The following MAEA variants were observed in gnomAD, a reference collection of about 807,000 sequenced individuals.
The protein encoded by MAEA is macrophage erythroblast attacher, E3 ubiquitin ligase, also known as E3 ubiquitin-protein transferase MAEA.
Under a neutral mutation model 46.2 loss-of-function variants are expected in MAEA, and 22 were observed. The observed-to-expected ratio is 0.48, with a 90% CI of 0.34 to 0.68. The LOEUF (loss-of-function observed/expected upper bound fraction) is 0.68. Among genes scored for constraint, MAEA ranks in the 30% least tolerant of loss-of-function variants. MAEA has a pLI of 0.01. For synonymous variants in MAEA, 246 were observed against 222.6 expected (o/e 1.11, Z -0.94); for missense variants, 393 against 558.1 (o/e 0.70, Z 2.98).
intron 4 of MAEA, among the ~76,000 whole-genome samples, chr4:1,326,444 G>A (rs1738825506): frequency 6.6e-6 from 1 of 152,186 alleles, no homozygotes; most frequent in African/African-American, 2.4e-5. Flanking sequence ...CGTAGAATCC[G>A]CGTCTCATCT....
At chr4:1,303,413 AATGTC>A (rs1455758436) in intron 1 of MAEA, among the ~76,000 whole-genome samples, 3 of 151,654 alleles carry the variant, frequency 2.0e-5, no homozygotes, top group African/African-American at 4.8e-5. Context: ...AAAAAAAAAG[AATGTC>A]ATGTCCTTCT....
chr4:1,297,898 C>T (rs977703590), intron 1 of MAEA: 4 of 434,772 alleles, frequency 9.2e-6, no homozygotes, highest in African/African-American at 2.0e-5. Context: ...TCTCCCTTGC[C>T]TCCACCCCTC....
At chr4:1,297,283 G>A (rs1577129069) in intron 1 of MAEA, among the ~76,000 whole-genome samples, 1 of 152,312 alleles carries the variant, frequency 6.6e-6, no homozygotes, top group East Asian at 1.9e-4. Flanking sequence ...TGGCTGCTGG[G>A]GCTGCGGCCT....
At chr4:1,309,022 C>G (rs996691745) in intron 1 of MAEA, among the ~76,000 whole-genome samples, 1 of 152,182 alleles carries the variant, frequency 6.6e-6, no homozygotes, top group Non-Finnish European at 1.5e-5. Flanking sequence ...TTTGGGCGAG[C>G]TGTATCTTCT....
intron 7 of MAEA, 190 bp downstream of exon 7, chr4:1,337,184 G>C: frequency 1.5e-6 from 1 of 647,504 alleles, no homozygotes; most frequent in South Asian, 1.9e-5. Flanking sequence ...CGGATGCGTC[G>C]TGCAGCCTTC....
rs1424884015 is a variant in MAEA at position 1,298,171 on chromosome 4, T to C, written c.69+8189T>C. 4 of 437,256 alleles carry C rather than the reference T, an allele frequency of 9.1e-6. No individual in the cohort carries two copies. The Admixed American group carries it at 9.6e-5, about 11-fold the overall frequency. The allele number at this position is 437,256 out of a possible 1,614,324, so 27.1% of individuals were successfully genotyped here. On this transcript the variant is annotated intron_variant, in intron 1 of 8. Transcript: ENST00000303400. ...GAGCCCCCCATGCCTGCCCCGTCCT[T>C]GTGCTCTGCCCGCGGCTTGGCCCTG...
chr4:1,330,079 G>T, intron 5 of MAEA: 1 of 985,536 alleles, frequency 1.0e-6, no homozygotes, highest in Non-Finnish European at 1.2e-6. Flanking sequence ...CTGCAGCTCC[G>T]CCCTGCCTGG....
intron 1 of MAEA, among the ~76,000 whole-genome samples, chr4:1,295,728 A>ACCCCCTCACCCGCGCCTGTG (rs1560323548): frequency 8.4e-4 from 7 of 8,336 alleles, no homozygotes; most frequent in East Asian, 8.1e-3. Context: ...CCGCTCCTGT[A>ACCCCCTCACCCGCGCCTGTG]CCCCCTCACC....
At chr4:1,332,540 A>G (rs1711976071) in intron 5 of MAEA, 1 of 409,958 alleles carries the variant, frequency 2.4e-6, no homozygotes, top group Non-Finnish European at 4.5e-6. Context: ...CACAGCGAGA[A>G]TCTGTCTCTA....
intron 5 of MAEA, chr4:1,328,506 G>T (rs1341952851): frequency 1.1e-5 from 7 of 630,982 alleles, no homozygotes; most frequent in Non-Finnish European, 1.6e-5. Context: ...CGCTTGAGTT[G>T]CTGTGTGGGG....
At chr4:1,316,675 C>T (rs1737216462) in intron 3 of MAEA, among the ~76,000 whole-genome samples, 1 of 152,130 alleles carries the variant, frequency 6.6e-6, no homozygotes, top group African/African-American at 2.4e-5. Context: ...TAAATCCCAC[C>T]CACATGTGTG....
chr4:1,325,998 G>T (rs1738764115), intron 4 of MAEA, among the ~76,000 whole-genome samples: 1 of 152,180 alleles, frequency 6.6e-6, no homozygotes, highest in South Asian at 2.1e-4. Context: ...CAGGGCAGAG[G>T]CAGCAGGGCA....
At chr4:1,290,105 C>T in intron 1 of MAEA, 123 bp downstream of exon 1, 1 of 504,674 alleles carries the variant, frequency 2.0e-6, no homozygotes, top group Non-Finnish European at 2.9e-6. Context: ...CGCGGCCTCG[C>T]GGGGCCGTGC....
At chr4:1,338,967 T>C in intron 8 of MAEA, 107 bp from the exon 9 acceptor site, 1 of 947,936 alleles carries the variant, frequency 1.1e-6, no homozygotes, top group Non-Finnish European at 1.7e-6. Flanking sequence ...GAACTTTGCC[T>C]GAGAGGATGA....
chr4:1,323,821 G>A (rs945303873), intron 4 of MAEA, among the ~76,000 whole-genome samples: 9 of 152,348 alleles, frequency 5.9e-5, no homozygotes, highest in East Asian at 3.9e-4. Context: ...ACGAGCACAC[G>A]ACCTGTCTGA....
At chr4:1,323,693 G>C in intron 4 of MAEA, 1 of 688,226 alleles carries the variant, frequency 1.5e-6, no homozygotes. Context: ...TGGGAACTCT[G>C]CCAGGGCTGT....
At chr4:1,327,159 G>T (rs1039170145) in intron 4 of MAEA, among the ~76,000 whole-genome samples, 1 of 152,248 alleles carries the variant, frequency 6.6e-6, no homozygotes, top group African/African-American at 2.4e-5. Context: ...ACAGCCCCGG[G>T]TTCAAGCCAG....
chr4:1,329,311 C>G lies in MAEA; in HGVS notation c.656+1608C>G, dbSNP rs940550104. ...AGGGTCTCTTTGCCTGTGTTCCCCC[C>G]GCTCCGTGTAGGGTCTCTTTGCCTT... On this transcript the variant is annotated intron_variant, in intron 5 of 8. Coordinates refer to ENST00000303400, the MANE Select transcript of MAEA (RefSeq NM_001017405.3). 1.3e-4 allele frequency: 125 copies of G among 982,732 alleles called. 1 individual carries two copies. The highest frequency in any genetic ancestry group is 1.4e-4 in the Non-Finnish European group (116 of 827,670). The allele number at this position is 982,732 out of a possible 1,614,324, so 60.9% of individuals were successfully genotyped here.
rs1173986726 is a variant in MAEA at position 1,339,421 on chromosome 4, C to T, written c.*252C>T. 7 of 514,240 alleles carry T rather than the reference C, an allele frequency of 1.4e-5. No individual in the cohort carries two copies. The highest frequency in any genetic ancestry group is 5.2e-5 in the South Asian group (2 of 38,572). The allele number at this position is 514,240 out of a possible 1,614,324, so 31.9% of individuals were successfully genotyped here. On this transcript the variant is annotated 3_prime_UTR_variant, in exon 9 of 9. Coordinates refer to ENST00000303400, the MANE Select transcript of MAEA (RefSeq NM_001017405.3). Reference sequence around the variant, plus strand: ...GCTTCTGAAAAGTACTTTCAACTTGCGAAGGAAACTCTTCTTTAAAGACTG... The same window carrying T: ...GCTTCTGAAAAGTACTTTCAACTTGTGAAGGAAACTCTTCTTTAAAGACTG...
Sources: allele counts gnomAD v4.1 joint callset (sites outside exome capture counted in the v4.1 genomes callset), GRCh38; gene constraint gnomAD v4.1.1; transcripts MANE v1.5; gene names NCBI Gene and HGNC (gene_info 2026-07-23, HGNC 2026-07-21).